Variants in PLS1 observed in about 807,000 individuals in gnomAD.
The protein encoded by PLS1 is plastin 1.
In PLS1, 32 loss-of-function variants were observed where a neutral mutation model predicts 73.7. That is an observed-to-expected ratio of 0.43 (90% CI 0.33 to 0.58). The LOEUF is 0.58. Among genes scored for constraint, PLS1 ranks in the 20% least tolerant of loss-of-function variants. The pLI is 0.04. For synonymous variants in PLS1, 217 were observed against 261.3 expected, an observed-to-expected ratio of 0.83 and a Z score of 1.63; for missense variants, 633 against 740.5, an observed-to-expected ratio of 0.85 and a Z score of 1.68.
At chr3:142,616,712 C>T (rs529257385) in intron 1 of PLS1, among the ~76,000 whole-genome samples, 2 of 152,156 alleles carry the variant, frequency 1.3e-5, no homozygotes, top group Non-Finnish European at 2.9e-5. Flanking sequence ...TAGCGATTCT[C>T]CTGTCTCAGC....
chr3:142,637,527 T>C (rs2036720615), intron 1 of PLS1, among the ~76,000 whole-genome samples: 1 of 152,242 alleles, frequency 6.6e-6, no homozygotes, highest in African/African-American at 2.4e-5. Context: ...GCTTAGCGTA[T>C]GTCAATTATA....
intron 1 of PLS1, chr3:142,654,898 CTG>C (rs1292605753): frequency 2.6e-5 from 4 of 152,248 alleles, no homozygotes; most frequent in Non-Finnish European, 5.9e-5. Context: ...TTCCCATAAA[CTG>C]TTGTTTTATT....
At chr3:142,598,452 T>C in intron 1 of PLS1, among the ~76,000 whole-genome samples, 1 of 152,158 alleles carries the variant, frequency 6.6e-6, no homozygotes. Flanking sequence ...TTCTGATTCC[T>C]CATATTTTGA....
chr3:142,614,656 G>A (rs2036183082), intron 1 of PLS1, among the ~76,000 whole-genome samples: 1 of 152,136 alleles, frequency 6.6e-6, no homozygotes, highest in African/African-American at 2.4e-5. Flanking sequence ...TTGGCCCATG[G>A]GTGCCATTTT....
At chr3:142,664,897 C>T (rs1019911223) in intron 2 of PLS1, among the ~76,000 whole-genome samples, 1 of 151,704 alleles carries the variant, frequency 6.6e-6, no homozygotes, top group Non-Finnish European at 1.5e-5. Context: ...AAATTTTCCT[C>T]ATACTCTGTT....
chr3:142,628,413 G>A (rs536112229), intron 1 of PLS1, among the ~76,000 whole-genome samples: 10 of 151,344 alleles, frequency 6.6e-5, no homozygotes, highest in African/African-American at 2.2e-4. Context: ...GCATGCATAT[G>A]TGTATGTGTA....
intron 2 of PLS1, among the ~76,000 whole-genome samples, chr3:142,669,038 T>C (rs1379594867): frequency 6.6e-6 from 1 of 152,132 alleles, no homozygotes; most frequent in Non-Finnish European, 1.5e-5. Context: ...ACAAAGTTTT[T>C]GTTTTGTTTT....
At chr3:142,628,823 GACAA>G (rs371896694) in intron 1 of PLS1, among the ~76,000 whole-genome samples, 11 of 152,214 alleles carry the variant, frequency 7.2e-5, no homozygotes, top group African/African-American at 2.6e-4. Context: ...CTTTGAAACA[GACAA>G]ACAAAAAACA....
intron 6 of PLS1, among the ~76,000 whole-genome samples, chr3:142,682,645 A>T (rs1205847886): frequency 2.0e-5 from 3 of 152,214 alleles, no homozygotes; most frequent in Non-Finnish European, 4.4e-5. Flanking sequence ...CATTCTGGGG[A>T]ATCACAACTG....
At position 142,683,985 on chromosome 3, in the gene PLS1, C is replaced by T. The variant is rs2037908332; in HGVS notation, c.580-21C>T. The T allele has an allele frequency of 2.2e-6, 3 of 1,345,266 alleles. No homozygotes were observed. The Admixed American group carries it at 6.4e-5, about 29-fold the overall frequency. The allele number at this position is 1,345,266 out of a possible 1,614,324, so 83.3% of individuals were successfully genotyped here. A position where few individuals can be genotyped will look rare whatever the true frequency, so the allele number is the denominator to read the frequency against. Reference sequence around the variant, plus strand: ...CTTAGAAAGGACTTCCTCATGTGTACTTTTTTTTTTGGCAATTCAGGAAAA... The same window carrying T: ...CTTAGAAAGGACTTCCTCATGTGTATTTTTTTTTTTGGCAATTCAGGAAAA... On this transcript the variant is annotated intron_variant, in intron 6 of 15. Transcript: ENST00000457734.
intron 1 of PLS1, among the ~76,000 whole-genome samples, chr3:142,659,689 G>GTTGTT: frequency 7.0e-6 from 1 of 142,398 alleles, no homozygotes; most frequent in South Asian, 2.3e-4. Flanking sequence ...TTTTTTTGTT[G>GTTGTT]TTGTTTTGTT....
At position 142,664,506 on chromosome 3, in the gene PLS1, T is replaced by G. The variant is rs147765025; in HGVS notation, c.70+199T>G. 4.6e-5 allele frequency among the ~76,000 whole-genome samples: 7 copies of G among 152,340 alleles called. No homozygotes were observed. In the East Asian group the frequency reaches 1.3e-3, roughly 29 times the overall value. On this transcript the variant is annotated intron_variant, in intron 2 of 15. Transcript: ENST00000457734. Reference sequence around the variant, plus strand: ...GCTTGAATTTCTAGGTGAATTGGACTTTGAATTCTTTGATCATTTCTTTGC... The same window carrying G: ...GCTTGAATTTCTAGGTGAATTGGACGTTGAATTCTTTGATCATTTCTTTGC...
intron 1 of PLS1, among the ~76,000 whole-genome samples, chr3:142,602,809 A>AGGGCCTCTTCTCT (rs111775220): frequency 0.22 from 32,878 of 151,850 alleles, 4,447 homozygotes; most frequent in African/African-American, 0.39. Flanking sequence ...CTGTGTTCCC[A>AGGGCCTCTTCTCT]GGATATGAAA....
At chr3:142,604,175 T>G (rs2035977565) in intron 1 of PLS1, among the ~76,000 whole-genome samples, 1 of 152,208 alleles carries the variant, frequency 6.6e-6, no homozygotes, top group African/African-American at 2.4e-5. Flanking sequence ...TTTAAGACAC[T>G]GGTAAATGTG....
At chr3:142,610,431 G>A (rs987112397) in intron 1 of PLS1, among the ~76,000 whole-genome samples, 2 of 152,042 alleles carry the variant, frequency 1.3e-5, no homozygotes, top group African/African-American at 2.4e-5. Flanking sequence ...ACTGTGATTC[G>A]GATCATACTT....
chr3:142,611,758 A>C (rs971365544), intron 1 of PLS1, among the ~76,000 whole-genome samples: 4 of 152,304 alleles, frequency 2.6e-5, no homozygotes, highest in African/African-American at 9.6e-5. Context: ...GATAATCATG[A>C]ATCACCAATA....
At chr3:142,709,101 G>A (rs892690871) in intron 14 of PLS1, among the ~76,000 whole-genome samples, 1 of 152,162 alleles carries the variant, frequency 6.6e-6, no homozygotes, top group African/African-American at 2.4e-5. Context: ...TAAGCCCATA[G>A]AAATTAAAAT....
intron 9 of PLS1, among the ~76,000 whole-genome samples, chr3:142,687,302 C>G (rs1332612148): frequency 6.6e-6 from 1 of 151,700 alleles, no homozygotes; most frequent in African/African-American, 2.4e-5. Flanking sequence ...TCAAAGCTGT[C>G]CTGGGCCGCA....
At chr3:142,704,382 A>G (rs2038404257) in intron 13 of PLS1, 81 bp from the exon 14 acceptor site, 3 of 1,073,964 alleles carry the variant, frequency 2.8e-6, no homozygotes, top group African/African-American at 1.6e-5. Flanking sequence ...TTTCTTAAGT[A>G]TTTATCTAAA....
Sources: allele counts gnomAD v4.1 joint callset (sites outside exome capture counted in the v4.1 genomes callset), GRCh38; gene constraint gnomAD v4.1.1; transcripts MANE v1.5; gene names NCBI Gene and HGNC (gene_info 2026-07-23, HGNC 2026-07-21).